The following DDX31 variants were observed in gnomAD, a reference collection of about 807,000 sequenced individuals.
DDX31 encodes ATP-dependent DNA helicase DDX31.
DDX31 carries 70 observed loss-of-function variants against 91.3 expected under a neutral mutation model. The ratio of observed to expected loss-of-function variants is 0.77; its 90% CI spans 0.63 to 0.94. The LOEUF (loss-of-function observed/expected upper bound fraction) is 0.94. DDX31 is among the 40% of genes least tolerant of loss of function. The probability of loss-of-function intolerance (pLI) is 0.00; values close to 1 mark genes in which losing one functional copy is unlikely to be tolerated. For synonymous variants in DDX31, 362 were observed against 350.6 expected, an observed-to-expected ratio of 1.03 and a Z score of -0.36; for missense variants, 902 against 925.0, an observed-to-expected ratio of 0.98 and a Z score of 0.32.
chr9:132,631,948 G>A, intron 15 of DDX31, 93 bp downstream of exon 15: 2 of 1,162,080 alleles, frequency 1.7e-6, no homozygotes, highest in Non-Finnish European at 2.5e-6. Context: ...ACACCCAAGA[G>A]GATAATAATA....
chr9:132,658,867 T>C, intron 5 of DDX31, 132 bp from the exon 6 acceptor site: 5 of 750,704 alleles, frequency 6.7e-6, no homozygotes, highest in Non-Finnish European at 1.0e-5. Flanking sequence ...AAACTGCCCA[T>C]TATACATCCA....
At chr9:132,623,713 C>A (rs1832205449) in intron 17 of DDX31, among the ~76,000 whole-genome samples, 1 of 151,814 alleles carries the variant, frequency 6.6e-6, no homozygotes, top group Non-Finnish European at 1.5e-5. Context: ...CCAGTCCCTG[C>A]CCAAGGTCAC....
chr9:132,596,591 G>T (rs1473434560), intron 19 of DDX31, among the ~76,000 whole-genome samples: 1 of 152,208 alleles, frequency 6.6e-6, no homozygotes, highest in Non-Finnish European at 1.5e-5. Context: ...GCTCAACAAG[G>T]TGGGTACGGT....
In DDX31 at chr9:132,669,880, G is replaced by T. The variant is rs201430083; in HGVS notation, c.55C>A (p.Pro19Thr). Residue 19 changes from proline to threonine, a missense_variant, in exon 1 of 20, where the codon CCC becomes ACC. By Grantham distance (38) the Pro-to-Thr change is conservative (BLOSUM62 -1). Transcript: ENST00000372159. ...FDNPRTFSRR[P>T]PAQASRQAKA... ...CTCACCCGACTCGCCTGGGCTGGGG[G>T]ACGTCTGGAGAACGTCCTGGGGTTG... is the stretch of plus-strand genomic sequence containing the variant. The T allele has an allele frequency of 7.3e-4, 1,168 of 1,593,266 alleles. 14 individuals are homozygous for T. Among genetic ancestry groups the T allele is most frequent in the Non-Finnish European group, 1.0e-4 (122 of 1,171,060 alleles).
chr9:132,651,048 T>C (rs1458214569), intron 8 of DDX31, 27 bp downstream of exon 8: 2 of 1,597,036 alleles, frequency 1.3e-6, no homozygotes, highest in East Asian at 2.2e-5. Context: ...GCAAGCAAGA[T>C]GAAATGGAAC....
At chr9:132,641,573 G>A (rs115277534) in intron 14 of DDX31, among the ~76,000 whole-genome samples, 1,651 of 152,320 alleles carry the variant, frequency 0.011, 46 homozygotes, top group African/African-American at 0.038. Flanking sequence ...TGAAATCACA[G>A]GACAAATGAT....
At chr9:132,635,601 C>T (rs1017612136) in intron 14 of DDX31, among the ~76,000 whole-genome samples, 1 of 151,144 alleles carries the variant, frequency 6.6e-6, no homozygotes, top group Non-Finnish European at 1.5e-5. Context: ...CCGTGCCTGG[C>T]CTGTACATAG....
intron 18 of DDX31, among the ~76,000 whole-genome samples, chr9:132,613,781 A>C (rs1831481896): frequency 6.6e-6 from 1 of 152,228 alleles, no homozygotes; most frequent in African/African-American, 2.4e-5. Context: ...ACTCATTCCC[A>C]GGAGGGTGGA....
chr9:132,636,676 C>T (rs964824674), intron 14 of DDX31, among the ~76,000 whole-genome samples: 9 of 152,208 alleles, frequency 5.9e-5, no homozygotes, highest in Non-Finnish European at 7.3e-5. Context: ...CACAATCTTC[C>T]GGTCTCCCAC....
At chr9:132,626,221 C>G (rs551461331) in intron 16 of DDX31, among the ~76,000 whole-genome samples, 1 of 152,252 alleles carries the variant, frequency 6.6e-6, no homozygotes, top group Non-Finnish European at 1.5e-5. Context: ...AACGAGGGCA[C>G]AAAGCCCTGT....
intron 6 of DDX31, among the ~76,000 whole-genome samples, chr9:132,655,869 A>T (rs1286091355): frequency 1.3e-5 from 2 of 152,238 alleles, no homozygotes; most frequent in Non-Finnish European, 2.9e-5. Context: ...ACCCAAAAGA[A>T]GAAAAGGATT....
Position 132,594,264 on chromosome 9 carries a change from G to C in DDX31, c.*602C>G, listed in dbSNP as rs983915363. On this transcript the variant is annotated 3_prime_UTR_variant, in exon 20 of 20. Coordinates refer to ENST00000372159, the MANE Select transcript of DDX31 (RefSeq NM_022779.9). Reference sequence around the variant, plus strand: ...ATGTAAATGCAACCTCGTGTTTCCAGAAGAAAATAAGAGGGACCACGAGCC... The same window carrying C: ...ATGTAAATGCAACCTCGTGTTTCCACAAGAAAATAAGAGGGACCACGAGCC... 6.6e-5 allele frequency: 10 copies of C among 152,288 alleles called. No individual in the cohort carries two copies. The highest frequency in any genetic ancestry group is 1.9e-4 in the African/African-American group (8 of 41,454). 9.4% of individuals were successfully genotyped at this position (152,288 alleles called of 1,614,324 possible).
intron 6 of DDX31, chr9:132,658,359 C>G (rs1834707035): frequency 1.4e-6 from 1 of 703,088 alleles, no homozygotes; most frequent in African/African-American, 1.7e-5. Context: ...ACAGTAATAC[C>G]TATAACACAG....
intron 6 of DDX31, 61 bp downstream of exon 6, chr9:132,658,610 T>C: frequency 6.9e-7 from 1 of 1,450,722 alleles, no homozygotes; most frequent in Non-Finnish European, 9.6e-7. Flanking sequence ...TCTGTTATGC[T>C]TCAGTTTGAT....
chr9:132,652,324 C>A, intron 7 of DDX31, 124 bp downstream of exon 7: 2 of 1,088,512 alleles, frequency 1.8e-6, no homozygotes, highest in Non-Finnish European at 2.7e-6. Flanking sequence ...GGTTTCCAGG[C>A]AAATGGAACT....
At position 132,630,423 on chromosome 9, in the gene DDX31, T is replaced by C. The variant is rs753882010; in HGVS notation, c.1492-20A>G. ...GTTGTACTAAAAAGGGTAACAAAAA[T>C]GAAGGCATTCATAGATCAAGGGACT... On this transcript the variant is annotated intron_variant, in intron 15 of 19. Transcript: ENST00000372159. 3 of 1,574,990 alleles carry C rather than the reference T, an allele frequency of 1.9e-6. No homozygotes were observed. Among genetic ancestry groups the C allele is most frequent in the Non-Finnish European group, 2.6e-6 (3 of 1,149,586 alleles).
chr9:132,621,004 AG>A (rs1564293351), intron 17 of DDX31, among the ~76,000 whole-genome samples: 1 of 152,224 alleles, frequency 6.6e-6, no homozygotes, highest in Admixed American at 6.5e-5. Flanking sequence ...AAGGATGAGC[AG>A]GGGGCTCTGA....
At chr9:132,615,339 G>A (rs1831568633) in intron 18 of DDX31, among the ~76,000 whole-genome samples, 1 of 151,766 alleles carries the variant, frequency 6.6e-6, no homozygotes, top group African/African-American at 2.4e-5. Flanking sequence ...GATCATCTCT[G>A]CTCCTCCCAA....
In DDX31 at chr9:132,618,307, A is replaced by G. The variant is rs747110438; in HGVS notation, c.1825+23T>C. ...CACTCTGCTGGGCTATCCACTGCGC[A>G]AGCACCTAGGAAATCGACTGACCTT... On this transcript the variant is annotated intron_variant, in intron 18 of 19. Transcript: ENST00000372159. 17 of 1,598,824 alleles carry G rather than the reference A, an allele frequency of 1.1e-5. No homozygotes were observed. The Admixed American group carries it at 2.7e-4, about 26-fold the overall frequency.
Sources: allele counts gnomAD v4.1 joint callset (sites outside exome capture counted in the v4.1 genomes callset), GRCh38; gene constraint gnomAD v4.1.1; transcripts MANE v1.5; gene names NCBI Gene and HGNC (gene_info 2026-07-23, HGNC 2026-07-21).